Variants in DENND4C observed in about 807,000 individuals in gnomAD.
The protein encoded by DENND4C is DENN domain-containing protein 4C.
Under a neutral mutation model 203.0 loss-of-function variants are expected in DENND4C, and 108 were observed. That is an observed-to-expected ratio of 0.53 (90% CI 0.46 to 0.62). The LOEUF (loss-of-function observed/expected upper bound fraction) is 0.62, where lower values mean the gene tolerates loss of function less well. Among genes scored for constraint, DENND4C ranks in the 20% least tolerant of loss-of-function variants. DENND4C has a pLI of 0.00. For synonymous variants in DENND4C, 871 were observed against 792.4 expected (o/e 1.10, Z -1.67); for missense variants, 2,481 against 2,301.2 (o/e 1.08, Z -1.60).
chr9:19,296,287 G>T (rs995306255), intron 6 of DENND4C, 41 bp downstream of exon 6: 2 of 1,309,260 alleles, frequency 1.5e-6, no homozygotes, highest in Non-Finnish European at 2.2e-6. Flanking sequence ...GGAAAACTGG[G>T]TATATAAATA....
At chr9:19,304,713 C>CTTT (rs766700841) in intron 9 of DENND4C, among the ~76,000 whole-genome samples, 1 of 133,194 alleles carries the variant, frequency 7.5e-6, no homozygotes, top group Non-Finnish European at 1.6e-5. Context: ...ATTTTTTGTA[C>CTTT]TTTTTTTTTT....
chr9:19,243,257 T>C (rs574996718), intron 1 of DENND4C, among the ~76,000 whole-genome samples: 3 of 152,340 alleles, frequency 2.0e-5, no homozygotes, highest in African/African-American at 7.2e-5. Flanking sequence ...ATGTGATCTT[T>C]TGTAACTGGC....
Position 19,265,164 on chromosome 9 carries a change from A to G in DENND4C, c.-17-10994A>G, listed in dbSNP as rs141401935. ...TAAATAGCTGGAACTACAGGTTTAC[A>G]CCACCAGGCCTGGCTAAGTTACTGT... On this transcript the variant is annotated intron_variant, in intron 1 of 32. Transcript: ENST00000434457. Among the ~76,000 whole-genome samples, 788 of 151,994 alleles carry G rather than the reference A, an allele frequency of 5.2e-3. 6 individuals carry two copies. Among genetic ancestry groups the G allele is most frequent in the African/African-American group, 0.018 (746 of 41,476 alleles).
In DENND4C at chr9:19,341,028, A is replaced by T; in HGVS notation, c.2918A>T (p.Glu973Val). 2 of 1,613,138 alleles carry T rather than the reference A, an allele frequency of 1.2e-6. No homozygotes were observed. The highest frequency in any genetic ancestry group is 1.7e-6 in the Non-Finnish European group (2 of 1,179,538). ...GACCAAGGATACGGGTCTAAGGATG[A>T]ACTTATAAAGGATGATGCAGAAATT... ...QSDQGYGSKD[E>V]LIKDDAEIHV... The change falls in exon 21 of 33, where the codon GAA becomes GTA. Residue 973 changes from glutamate (E) to valine (V), a missense_variant. Glu to Val is a moderately radical substitution (Grantham distance 121). Coordinates refer to ENST00000434457, the MANE Select transcript of DENND4C (RefSeq NM_001330640.2).
chr9:19,282,588 G>C (rs1324285429), intron 2 of DENND4C, among the ~76,000 whole-genome samples: 1 of 147,576 alleles, frequency 6.8e-6, no homozygotes, highest in Non-Finnish European at 1.5e-5. Flanking sequence ...ATGGGGTCTT[G>C]CCTTGTTGCC....
chr9:19,280,070 G>A (rs1833723568), intron 2 of DENND4C, among the ~76,000 whole-genome samples: 1 of 152,104 alleles, frequency 6.6e-6, no homozygotes, highest in Admixed American at 6.6e-5. Flanking sequence ...CAGCATAGGT[G>A]ACTGGATTAG....
At position 19,316,664 on chromosome 9, in the gene DENND4C, A is replaced by G. The variant is rs1841909273; in HGVS notation, c.1632A>G (p.Pro544=). 4 of 1,613,990 alleles carry G rather than the reference A, an allele frequency of 2.5e-6. No individual in the cohort carries two copies. The African/African-American group carries it at 5.3e-5, about 22-fold the overall frequency. Residue 544 remains proline (P), a synonymous_variant, in exon 12 of 33, where the codon CCA becomes CCG. Coordinates refer to ENST00000434457, the MANE Select transcript of DENND4C (RefSeq NM_001330640.2). ...AAGGCTCAGCGATTGACATGACTCC[A>G]ATTGAAGCAGATTTCTCCTGGCAAA... ...TQEGSAIDMT[P]IEADFSWQKK...
chr9:19,276,932 C>A (rs143396627), intron 2 of DENND4C, among the ~76,000 whole-genome samples: 143 of 151,460 alleles, frequency 9.4e-4, no homozygotes, highest in Middle Eastern at 3.4e-3. Flanking sequence ...GCTTTCAATG[C>A]TGGGAGGAGG....
chr9:19,256,297 GTTTTTTTTTTTGTTT>G lies in DENND4C; in HGVS notation c.-17-19849_-17-19835del, dbSNP rs1242017990. Among the ~76,000 whole-genome samples the G allele has an allele frequency of 6.4e-4, 78 of 122,594 alleles. 2 individuals are homozygous for G. The highest frequency in any genetic ancestry group is 1.5e-3 in the African/African-American group (51 of 33,570). The allele number at this position is 122,594 out of a possible 152,430, so 80.4% of individuals were successfully genotyped here. A position where few individuals can be genotyped will look rare whatever the true frequency, so the allele number is the denominator to read the frequency against. On this transcript the variant is annotated intron_variant, in intron 1 of 32. Coordinates refer to ENST00000434457, the MANE Select transcript of DENND4C (RefSeq NM_001330640.2). Reference sequence around the variant, plus strand: ...AAAATTTTTCTTTTTTTTCTTTTCTGTTTTTTTTTTTGTTTTTTTTTTTTTTTTTGAGATGGAGTT... The same window carrying G: ...AAAATTTTTCTTTTTTTTCTTTTCTGTTTTTTTTTTTTTTGAGATGGAGTT...
intron 1 of DENND4C, among the ~76,000 whole-genome samples, chr9:19,238,453 C>CCTCCCTTCCCCTCCCT (rs1822606192): frequency 1.6e-5 from 1 of 63,698 alleles, no homozygotes; most frequent in African/African-American, 7.1e-5. Flanking sequence ...CTTTCCTTCC[C>CCTCCCTTCCCCTCCCT]CTCCCCTCCC....
intron 13 of DENND4C, among the ~76,000 whole-genome samples, chr9:19,324,832 A>G (rs987870116): frequency 6.6e-6 from 1 of 152,042 alleles, no homozygotes; most frequent in Non-Finnish European, 1.5e-5. Flanking sequence ...TGATTTTACC[A>G]CCTTAGCCTT....
At chr9:19,314,320 G>C (rs1841346698) in intron 10 of DENND4C, among the ~76,000 whole-genome samples, 1 of 151,864 alleles carries the variant, frequency 6.6e-6, no homozygotes, top group African/African-American at 2.4e-5. Context: ...TGGGTGTGGT[G>C]CCACACGCCT....
intron 18 of DENND4C, among the ~76,000 whole-genome samples, chr9:19,335,518 C>G (rs868189551): frequency 2.0e-5 from 3 of 152,106 alleles, no homozygotes; most frequent in African/African-American, 7.2e-5. Context: ...TTCCCCTTAC[C>G]TCCCAAAGCC....
chr9:19,300,817 A>G (rs188106469), intron 9 of DENND4C, among the ~76,000 whole-genome samples: 33 of 152,356 alleles, frequency 2.2e-4, no homozygotes, highest in African/African-American at 7.7e-4. Flanking sequence ...ATAAAATTAA[A>G]TTGTTAAATT....
intron 5 of DENND4C, 50 bp downstream of exon 5, chr9:19,290,926 C>T (rs1836166707): frequency 6.5e-7 from 1 of 1,533,642 alleles, no homozygotes; most frequent in Admixed American, 1.8e-5. Context: ...GTTTTTATTT[C>T]ATAAAAAGGT....
At chr9:19,264,549 C>T (rs575807570) in intron 1 of DENND4C, among the ~76,000 whole-genome samples, 4 of 152,092 alleles carry the variant, frequency 2.6e-5, no homozygotes, top group African/African-American at 9.6e-5. Flanking sequence ...TCAAGTGATC[C>T]GCCTGCTTTG....
In DENND4C at chr9:19,342,786, C is replaced by T; in HGVS notation, c.3151+7C>T. 1 of 1,574,548 alleles carries T rather than the reference C, an allele frequency of 6.4e-7. No individual in the cohort carries two copies. Among genetic ancestry groups the T allele is most frequent in the South Asian group, 1.2e-5 (1 of 83,128 alleles). On this transcript the variant is annotated splice_region_variant and intron_variant, in intron 22 of 32. Coordinates refer to ENST00000434457, the MANE Select transcript of DENND4C (RefSeq NM_001330640.2). ...AGCAGGAAAAGTAGCACTGGTGAGTCTTTACATTTTGGTTATTAAATATTT... is the reference window on the plus strand; with the variant it reads ...AGCAGGAAAAGTAGCACTGGTGAGTTTTTACATTTTGGTTATTAAATATTT...
intron 20 of DENND4C, among the ~76,000 whole-genome samples, chr9:19,337,428 A>G (rs963660496): frequency 1.3e-5 from 2 of 152,068 alleles, no homozygotes; most frequent in Non-Finnish European, 2.9e-5. Context: ...GTTGTTTTTA[A>G]TATCTCAAGC....
intron 1 of DENND4C, among the ~76,000 whole-genome samples, chr9:19,265,398 C>G (rs922200327): frequency 6.6e-6 from 1 of 151,710 alleles, no homozygotes; most frequent in Non-Finnish European, 1.5e-5. Flanking sequence ...CATGTGTTTA[C>G]GTAGTTCCCA....
Sources: allele counts gnomAD v4.1 joint callset (sites outside exome capture counted in the v4.1 genomes callset), GRCh38; gene constraint gnomAD v4.1.1; transcripts MANE v1.5; gene names NCBI Gene and HGNC (gene_info 2026-07-23, HGNC 2026-07-21).